The following CNTNAP1 variants were observed in gnomAD, a reference collection of about 807,000 sequenced individuals.
CNTNAP1 encodes the protein contactin associated protein 1, also known as contactin-associated protein 1.
In CNTNAP1, 80 loss-of-function variants were observed where a neutral mutation model predicts 161.5. The ratio of observed to expected loss-of-function variants is 0.50; its 90% CI spans 0.41 to 0.60. The LOEUF is 0.60. Ranked by LOEUF, CNTNAP1 falls within the 20% of genes least tolerant of loss-of-function variation. The pLI is 0.00. For synonymous variants in CNTNAP1, 695 were observed against 733.1 expected, an observed-to-expected ratio of 0.95 and a Z score of 0.84; for missense variants, 1,464 against 1,854.8, an observed-to-expected ratio of 0.79 and a Z score of 3.87.
At position 42,695,866 on chromosome 17, in the gene CNTNAP1, A is replaced by C. The variant is rs1462456430; in HGVS notation, c.3338A>C (p.Lys1113Thr). The change falls in exon 19 of 24, where the codon AAG becomes ACG. Residue 1113 changes from lysine to threonine, a missense_variant. Physicochemically the swap from Lys to Thr is moderately conservative, Grantham distance 78. This residue lies in a region of CNTNAP1 where 1,383 missense variants were observed against 1,765.0 expected (regional missense o/e 0.78). Transcript: ENST00000264638. ...FVRDYMAVLI[K>T]DDGTLQLRYQ... is the part of the protein sequence containing the mutation. ...CGTGACTACATGGCTGTGCTCATCAAGGATGATGGTAAGCTCTCCCGGGCT... is the reference window on the plus strand; with the variant it reads ...CGTGACTACATGGCTGTGCTCATCACGGATGATGGTAAGCTCTCCCGGGCT... 1 of 1,611,228 alleles carries C rather than the reference A, an allele frequency of 6.2e-7. No individual in the cohort carries two copies. The highest frequency in any genetic ancestry group is 1.1e-5 in the South Asian group (1 of 91,042).
At position 42,697,539 on chromosome 17, in the gene CNTNAP1, C is replaced by A; in HGVS notation, c.3569-15C>A. On this transcript the variant is annotated splice_polypyrimidine_tract_variant and intron_variant, in intron 21 of 23. Transcript: ENST00000264638. ...TGGGTCCAAGTCCCTCTTTCTGGGCCTGCCTCTCTCTCAGAGACAGGAGTC... is the reference window on the plus strand; with the variant it reads ...TGGGTCCAAGTCCCTCTTTCTGGGCATGCCTCTCTCTCAGAGACAGGAGTC... 6.2e-7 allele frequency: 1 copy of A among 1,613,656 alleles called. No individual in the cohort carries two copies.
At chr17:42,686,555 G>A (rs146877873) in intron 6 of CNTNAP1, among the ~76,000 whole-genome samples, 1 of 143,812 alleles carries the variant, frequency 7.0e-6, no homozygotes, top group African/African-American at 2.5e-5. Context: ...AATGAGATGG[G>A]GTTTGGAAAT....
Position 42,682,805 on chromosome 17 carries a change from C to A in CNTNAP1, c.-25C>A, listed in dbSNP as rs915161007. On this transcript the variant is annotated 5_prime_UTR_variant, in exon 1 of 24. Coordinates refer to ENST00000264638, the MANE Select transcript of CNTNAP1 (RefSeq NM_003632.3). ...CTAGCCGGAGCCGTTCACAGGGAGGCGGCTGCCGGGACCGTCAGCCCTGCA... is the reference window on the plus strand; with the variant it reads ...CTAGCCGGAGCCGTTCACAGGGAGGAGGCTGCCGGGACCGTCAGCCCTGCA... 1.3e-6 allele frequency: 2 copies of A among 1,553,902 alleles called. No homozygotes were observed.
chr17:42,683,926 A>G lies in CNTNAP1; in HGVS notation c.169+4A>G. 1 of 1,613,852 alleles carries G rather than the reference A, an allele frequency of 6.2e-7. No individual in the cohort carries two copies. Among genetic ancestry groups the G allele is most frequent in the Middle Eastern group, 1.6e-4 (1 of 6,062 alleles). On this transcript the variant is annotated splice_donor_region_variant and intron_variant, in intron 2 of 23. Coordinates refer to ENST00000264638, the MANE Select transcript of CNTNAP1 (RefSeq NM_003632.3). ...CCGAGATTCGCCAGGCTGCACGGTG[A>G]GCTCCGCGGAACATCAGCTGCCAAC... is the stretch of plus-strand genomic sequence containing the variant.
At chr17:42,693,180 C>T (rs577809099) in intron 17 of CNTNAP1, 117 bp from the exon 18 acceptor site, 13 of 1,218,848 alleles carry the variant, frequency 1.1e-5, no homozygotes, top group South Asian at 2.7e-5. Flanking sequence ...AGGATGGTCT[C>T]GATCTCCTGA....
At chr17:42,684,317 G>C (rs528137925) in intron 3 of CNTNAP1, 88 bp downstream of exon 3, 2 of 1,331,880 alleles carry the variant, frequency 1.5e-6, no homozygotes, top group Non-Finnish European at 2.1e-6. Flanking sequence ...AAAATGGAGG[G>C]GGTGGTGGTG....
rs146595729 is a variant in CNTNAP1, at chr17:42,686,193, G to A, written c.900+52G>A. 57 of 1,574,204 alleles carry A rather than the reference G, an allele frequency of 3.6e-5. No individual in the cohort carries two copies. In the African/African-American group the frequency reaches 5.0e-4, roughly 14 times the overall value. On this transcript the variant is annotated intron_variant, in intron 6 of 23. Transcript: ENST00000264638. ...GTGGTAGGGTAGATGCTGGATGAGT[G>A]AGTGCAGGTCGGTCTCTCCCTTTCT...
At chr17:42,690,542 A>G (rs982104992) in intron 12 of CNTNAP1, among the ~76,000 whole-genome samples, 197 bp from the exon 13 acceptor site, 90 of 150,912 alleles carry the variant, frequency 6.0e-4, no homozygotes, top group African/African-American at 2.1e-3. Flanking sequence ...AAAAAAAAAA[A>G]GTATATCCCA....
Position 42,683,918 on chromosome 17 carries a change from G to C in CNTNAP1, c.165G>C (p.Leu55=), listed in dbSNP as rs1050654751. ...TTACTGCGCCGAGATTCGCCAGGCT[G>C]CACGGTGAGCTCCGCGGAACATCAG... is the stretch of plus-strand genomic sequence containing the variant. ...SLLTAPRFAR[L]HGISGWSPRI... is the part of the protein sequence containing the mutation. The change falls in exon 2 of 24, where the codon CTG becomes CTC. Residue 55 remains leucine, a synonymous_variant. Transcript: ENST00000264638. 6.2e-6 allele frequency: 10 copies of C among 1,613,736 alleles called. No individual in the cohort carries two copies. The African/African-American group carries it at 9.3e-5, about 15-fold the overall frequency.
intron 18 of CNTNAP1, among the ~76,000 whole-genome samples, chr17:42,695,176 ACCTCAAGATGATCTGCCTG>A (rs1240616523): frequency 1.3e-5 from 2 of 152,074 alleles, no homozygotes; most frequent in Non-Finnish European, 2.9e-5. Flanking sequence ...CGAACTCCTG[ACCTCAAGATGATCTGCCTG>A]CCTTGGCCTC....
intron 6 of CNTNAP1, among the ~76,000 whole-genome samples, chr17:42,686,469 G>GTTTTTT (rs748366958): frequency 0.011 from 817 of 71,112 alleles, 67 homozygotes; most frequent in East Asian, 0.036. Context: ...AAAAAGGCCT[G>GTTTTTT]TTTTTTTTTT....
rs890607699 is a variant in CNTNAP1, at chr17:42,688,813, G to A, written c.1457-63G>A. On this transcript the variant is annotated intron_variant, in intron 9 of 23. Transcript: ENST00000264638. ...TTTATGTCTGGCTCCCCCTCAGCAT[G>A]TCCCTGGGGGAGGGTCTTTGGGGTC... 7 of 1,584,530 alleles carry A rather than the reference G, an allele frequency of 4.4e-6. No homozygotes were observed. The African/African-American group carries it at 9.5e-5, about 21-fold the overall frequency.
intron 6 of CNTNAP1, 108 bp from the exon 7 acceptor site, chr17:42,686,795 C>G (rs2053021336): frequency 2.2e-6 from 3 of 1,338,988 alleles, no homozygotes; most frequent in Admixed American, 2.3e-5. Context: ...TGTTTTAAGT[C>G]TTTTACAAAA....
At position 42,686,094 on chromosome 17, in the gene CNTNAP1, C is replaced by T; in HGVS notation, c.853C>T (p.Arg285Cys). The change falls in exon 6 of 24, where the codon CGC becomes TGC. Residue 285 changes from arginine (R) to cysteine (C), a missense_variant. By Grantham distance (180) the Arg-to-Cys change is radical. Transcript: ENST00000264638. ...TTTCACCCTGGACGGCTATGTGCAGCGCTTTATTCTCAATGGAGACTTCGA... is the reference window on the plus strand; with the variant it reads ...TTTCACCCTGGACGGCTATGTGCAGTGCTTTATTCTCAATGGAGACTTCGA... ...VNFTLDGYVQRFILNGDFERL... is the reference protein window; with the variant it reads ...VNFTLDGYVQCFILNGDFERL... The T allele has an allele frequency of 6.2e-7, 1 of 1,614,190 alleles. No homozygotes were observed. The highest frequency in any genetic ancestry group is 8.5e-7 in the Non-Finnish European group (1 of 1,180,050).
chr17:42,693,673 G>A lies in CNTNAP1; in HGVS notation c.2992+137G>A, dbSNP rs1004699791. The A allele has an allele frequency of 6.1e-6, 8 of 1,307,736 alleles. No homozygotes were observed. The Admixed American group carries it at 1.3e-4, about 21-fold the overall frequency. The allele number at this position is 1,307,736 out of a possible 1,614,324, so 81.0% of individuals were successfully genotyped here. A position where few individuals can be genotyped will look rare whatever the true frequency, so the allele number is the denominator to read the frequency against. On this transcript the variant is annotated intron_variant, in intron 18 of 23. Coordinates refer to ENST00000264638, the MANE Select transcript of CNTNAP1 (RefSeq NM_003632.3). ...CCCTGGATTCCTGAGCTCTGAGTTTGGGGAGTTAGGCAGTTGAAGATCATG... is the reference window on the plus strand; with the variant it reads ...CCCTGGATTCCTGAGCTCTGAGTTTAGGGAGTTAGGCAGTTGAAGATCATG...
In CNTNAP1 at chr17:42,687,628, T is replaced by C. The variant is rs1276930127; in HGVS notation, c.1045-92T>C. ...CCCCGCCAACACCGAAGGAGGGCGG[T>C]GACCAGGGTCTTAGACCGGTGTGAA... On this transcript the variant is annotated intron_variant, in intron 7 of 23. Transcript: ENST00000264638. The surrounding 1 kb of genome is among the most constrained non-coding windows in gnomAD (Gnocchi z 4.7). The C allele has an allele frequency of 3.3e-6, 5 of 1,495,788 alleles. No individual in the cohort carries two copies. The highest frequency in any genetic ancestry group is 3.6e-6 in the Non-Finnish European group (4 of 1,101,914). The allele number at this position is 1,495,788 out of a possible 1,614,324, so 92.7% of individuals were successfully genotyped here.
chr17:42,695,826 G>C lies in CNTNAP1; in HGVS notation c.3298G>C (p.Val1100Leu). The change falls in exon 19 of 24, where the codon GTC (valine) becomes CTC (leucine). Residue 1100 changes from valine (V) to leucine (L), a missense_variant. Val to Leu is a conservative substitution (Grantham distance 32). Coordinates refer to ENST00000264638, the MANE Select transcript of CNTNAP1 (RefSeq NM_003632.3). ...TSSAPAVLLY[V>L]SSFVRDYMAV... Reference sequence around the variant, plus strand: ...CTCCGCCCCTGCTGTCCTGCTCTACGTCAGTTCCTTTGTTCGTGACTACAT... The same window carrying C: ...CTCCGCCCCTGCTGTCCTGCTCTACCTCAGTTCCTTTGTTCGTGACTACAT... The C allele has an allele frequency of 6.2e-7, 1 of 1,614,142 alleles. No homozygotes were observed. The highest frequency in any genetic ancestry group is 8.5e-7 in the Non-Finnish European group (1 of 1,180,020).
chr17:42,685,065 C>T lies in CNTNAP1; in HGVS notation c.438C>T (p.Ile146=). 6.3e-7 allele frequency: 1 copy of T among 1,581,082 alleles called. No homozygotes were observed. Among genetic ancestry groups the T allele is most frequent in the Non-Finnish European group, 8.6e-7 (1 of 1,164,228 alleles). The change falls in exon 4 of 24, where the codon ATC becomes ATT. Residue 146 remains isoleucine (I), a synonymous_variant. Coordinates refer to ENST00000264638, the MANE Select transcript of CNTNAP1 (RefSeq NM_003632.3). This position sits in a 1 kb window ranked among gnomAD's most constrained non-coding sequence, Gnocchi z 5.0. The part of the protein sequence containing the change: ...DLHFHFTARY[I]RIVPLAWNPR... Reference sequence around the variant, plus strand: ...ACTTCCACTTCACTGCGCGCTACATCCGCATCGTGCCCCTGGCCTGGAACC... The same window carrying T: ...ACTTCCACTTCACTGCGCGCTACATTCGCATCGTGCCCCTGGCCTGGAACC...
At chr17:42,689,684 C>T (rs2053060807) in intron 11 of CNTNAP1, 57 bp downstream of exon 11, 5 of 1,403,314 alleles carry the variant, frequency 3.6e-6, no homozygotes, top group Non-Finnish European at 1.0e-6. Context: ...TAGAAGGTTG[C>T]TGGGGATCAT....
Sources: allele counts gnomAD v4.1 joint callset (sites outside exome capture counted in the v4.1 genomes callset), GRCh38; gene constraint gnomAD v4.1.1; regional missense constraint gnomAD v4.1.1; non-coding constraint Gnocchi (gnomAD v3.1); transcripts MANE v1.5; gene names NCBI Gene and HGNC (gene_info 2026-07-23, HGNC 2026-07-21).